RBFOX1: variants seen among roughly 807,000 people sequenced by gnomAD.
The protein encoded by RBFOX1 is RNA binding fox-1 homolog 1.
In RBFOX1, 8 loss-of-function variants were observed where a neutral mutation model predicts 57.7. The ratio of observed to expected loss-of-function variants is 0.14; its 90% CI spans 0.08 to 0.25. The LOEUF (loss-of-function observed/expected upper bound fraction) is 0.25, where lower values mean the gene tolerates loss of function less well. RBFOX1 is among the 10% of genes least tolerant of loss of function. The pLI, the probability that RBFOX1 is intolerant of heterozygous loss-of-function variation, is 1.00. For synonymous variants in RBFOX1, 326 were observed against 222.4 expected, an observed-to-expected ratio of 1.47 and a Z score of -4.15; for missense variants, 611 against 548.5, an observed-to-expected ratio of 1.11 and a Z score of -1.14.
intron 4 of RBFOX1, among the ~76,000 whole-genome samples, chr16:7,077,675 A>G (rs2058518687): frequency 6.6e-6 from 1 of 152,224 alleles, no homozygotes. Flanking sequence ...TGACTTTAAA[A>G]TGTTTTTAAA....
chr16:5,367,306 C>G (rs1347195849), intron 1 of RBFOX1, among the ~76,000 whole-genome samples: 3 of 152,192 alleles, frequency 2.0e-5, no homozygotes, highest in African/African-American at 7.2e-5. Context: ...GTTGCTCGCT[C>G]TGCAACTCCT....
chr16:6,927,660 T>G (rs1366472007), intron 3 of RBFOX1, among the ~76,000 whole-genome samples: 1 of 152,100 alleles, frequency 6.6e-6, no homozygotes, highest in Non-Finnish European at 1.5e-5. Context: ...ATAGTGAGGA[T>G]GTCAGCATCA....
At position 6,518,797 on chromosome 16, in the gene RBFOX1, G is replaced by GTCTATCTATCTA. The variant is rs58687392; in HGVS notation, c.-63-135766_-63-135755dup. On this transcript the variant is annotated intron_variant, in intron 2 of 15. Coordinates refer to ENST00000550418, the MANE Select transcript of RBFOX1 (RefSeq NM_018723.4). ...CATCTGTCTGTCTGTCTGTGTGTCTGTCTATCTATCTATCTATCTATCTAT... is the reference window on the plus strand; with the variant it reads ...CATCTGTCTGTCTGTCTGTGTGTCTGTCTATCTATCTATCTATCTATCTATCTATCTATCTAT... Among the ~76,000 whole-genome samples, 257 of 104,056 alleles carry GTCTATCTATCTA rather than the reference G, an allele frequency of 2.5e-3. 1 individual carries two copies. The highest frequency in any genetic ancestry group is 5.8e-3 in the African/African-American group (165 of 28,594). 68.3% of individuals were successfully genotyped at this position (104,056 alleles called of 152,430 possible). A position where few individuals can be genotyped will look rare whatever the true frequency, so the allele number is the denominator to read the frequency against.
At chr16:7,692,643 T>A (rs1177549617) in intron 14 of RBFOX1, among the ~76,000 whole-genome samples, 1 of 152,190 alleles carries the variant, frequency 6.6e-6, no homozygotes. Flanking sequence ...GAACACATAA[T>A]ATCGTGGAAG....
intron 5 of RBFOX1, among the ~76,000 whole-genome samples, chr16:7,524,429 T>A (rs1410284891): frequency 6.6e-6 from 1 of 152,230 alleles, no homozygotes; most frequent in Non-Finnish European, 1.5e-5. Context: ...ACGGATCACA[T>A]TGCTGACAGA....
chr16:5,646,384 C>G (rs2049056273), intron 3 of RBFOX1, among the ~76,000 whole-genome samples: 1 of 152,036 alleles, frequency 6.6e-6, no homozygotes, highest in Non-Finnish European at 1.5e-5. Flanking sequence ...AGCAGTCCTC[C>G]TACCTCGGCC....
At chr16:5,806,247 T>C (rs1313245944) in intron 3 of RBFOX1, among the ~76,000 whole-genome samples, 1 of 152,182 alleles carries the variant, frequency 6.6e-6, no homozygotes, top group East Asian at 1.9e-4. Flanking sequence ...GAGTGAATTA[T>C]TAAGAATGAC....
At chr16:5,599,291 C>A (rs2047289454) in exon 3 of RBFOX1, 1 of 634,328 alleles carries the variant, frequency 1.6e-6, no homozygotes, top group African/African-American at 1.8e-5. Flanking sequence ...GTGTGACGGC[C>A]CCAGGTTGTG....
chr16:6,413,482 A>T (rs2093531288), intron 2 of RBFOX1, among the ~76,000 whole-genome samples: 1 of 152,166 alleles, frequency 6.6e-6, no homozygotes, highest in African/African-American at 2.4e-5. Flanking sequence ...TTTTTAATAG[A>T]TAATGGTTAG....
At chr16:6,786,429 C>G (rs7198789) in intron 3 of RBFOX1, among the ~76,000 whole-genome samples, 6 of 152,024 alleles carry the variant, frequency 3.9e-5, no homozygotes, top group African/African-American at 1.5e-4. Context: ...GGAGGTAGAT[C>G]AAGTGGAAGA....
chr16:6,849,069 C>T (rs2093924443), intron 3 of RBFOX1, among the ~76,000 whole-genome samples: 1 of 152,154 alleles, frequency 6.6e-6, no homozygotes, highest in Non-Finnish European at 1.5e-5. Context: ...AAAAAGTAAA[C>T]AGCTGTCCTC....
chr16:6,828,577 C>A (rs755135936), intron 3 of RBFOX1, among the ~76,000 whole-genome samples: 1 of 151,522 alleles, frequency 6.6e-6, no homozygotes, highest in African/African-American at 2.4e-5. Context: ...GTGGGCTGAT[C>A]AGATCCTGAA....
At chr16:6,787,918 A>G (rs2082233971) in intron 3 of RBFOX1, among the ~76,000 whole-genome samples, 1 of 152,162 alleles carries the variant, frequency 6.6e-6, no homozygotes. Flanking sequence ...GTCATTACTA[A>G]ACAGCTGGTG....
chr16:6,385,985 G>C (rs1451247373), intron 2 of RBFOX1, among the ~76,000 whole-genome samples: 1 of 151,188 alleles, frequency 6.6e-6, no homozygotes, highest in Non-Finnish European at 1.5e-5. Flanking sequence ...GCCCAGGCTG[G>C]AGTGCAGTGG....
chr16:6,160,157 T>A (rs1383907557), intron 1 of RBFOX1, among the ~76,000 whole-genome samples: 1 of 152,176 alleles, frequency 6.6e-6, no homozygotes, highest in African/African-American at 2.4e-5. Context: ...TGCAGGAATA[T>A]TTTTTCCTAA....
chr16:5,614,402 A>G (rs1363242611), intron 3 of RBFOX1, among the ~76,000 whole-genome samples: 1 of 152,050 alleles, frequency 6.6e-6, no homozygotes, highest in African/African-American at 2.4e-5. Context: ...GATTTCATAA[A>G]CATTATGTTG....
At chr16:7,019,140 A>C (rs1385087547) in intron 3 of RBFOX1, among the ~76,000 whole-genome samples, 3 of 152,042 alleles carry the variant, frequency 2.0e-5, no homozygotes, top group Non-Finnish European at 4.4e-5. Context: ...ATTGAGTTGA[A>C]AATAACCATT....
chr16:7,625,492 A>G (rs1308657714), intron 10 of RBFOX1, among the ~76,000 whole-genome samples: 3 of 152,086 alleles, frequency 2.0e-5, no homozygotes, highest in Non-Finnish European at 4.4e-5. Flanking sequence ...AACTTCCTGC[A>G]TGGGGGCCCC....
chr16:6,663,768 T>A (rs1206432366), intron 3 of RBFOX1, among the ~76,000 whole-genome samples: 1 of 152,144 alleles, frequency 6.6e-6, no homozygotes, highest in Non-Finnish European at 1.5e-5. Flanking sequence ...AATTAGAGCA[T>A]CCCTGAGAAA....
Sources: allele counts gnomAD v4.1 joint callset (sites outside exome capture counted in the v4.1 genomes callset), GRCh38; gene constraint gnomAD v4.1.1; transcripts MANE v1.5; gene names NCBI Gene and HGNC (gene_info 2026-07-23, HGNC 2026-07-21).